The following PKD2 variants were observed in gnomAD, a reference collection of about 807,000 sequenced individuals.
PKD2 encodes the protein polycystin-2.
PKD2 carries 48 observed loss-of-function variants against 105.9 expected under a neutral mutation model. The ratio of observed to expected loss-of-function variants is 0.45; its 90% CI spans 0.36 to 0.58. The LOEUF (loss-of-function observed/expected upper bound fraction) is 0.58. Among genes scored for constraint, PKD2 ranks in the 20% least tolerant of loss-of-function variants. The pLI is 0.00. For synonymous variants in PKD2, 464 were observed against 481.1 expected, an observed-to-expected ratio of 0.96 and a Z score of 0.46; for missense variants, 1,078 against 1,255.3, an observed-to-expected ratio of 0.86 and a Z score of 2.13.
chr4:88,034,729 T>C (rs1301162720), intron 2 of PKD2, among the ~76,000 whole-genome samples: 1 of 149,694 alleles, frequency 6.7e-6, no homozygotes, highest in African/African-American at 2.5e-5. Flanking sequence ...AGAGATTTAC[T>C]AAATAGTACT....
At chr4:88,057,954 T>A in intron 8 of PKD2, 29 bp from the exon 9 acceptor site, 1 of 1,543,954 alleles carries the variant, frequency 6.5e-7, no homozygotes, top group Non-Finnish European at 9.0e-7. Context: ...TTTGTTTTTG[T>A]ATTGTGGTGT....
chr4:88,046,573 G>T, intron 5 of PKD2, 69 bp from the exon 6 acceptor site: 1 of 920,196 alleles, frequency 1.1e-6, no homozygotes. Flanking sequence ...AGAACAGATG[G>T]ACATCCATTC....
chr4:88,044,784 C>T (rs970297120), intron 5 of PKD2, among the ~76,000 whole-genome samples: 1 of 152,064 alleles, frequency 6.6e-6, no homozygotes, highest in East Asian at 1.9e-4. Context: ...GAATTTTCCA[C>T]TTGTGCGTTC....
intron 2 of PKD2, among the ~76,000 whole-genome samples, chr4:88,024,148 A>G (rs1726864056): frequency 6.6e-6 from 1 of 152,170 alleles, no homozygotes; most frequent in Non-Finnish European, 1.5e-5. Context: ...AGGAATAAAG[A>G]ATATTTAGAA....
In PKD2 at chr4:88,008,243, C is replaced by A; in HGVS notation, c.510C>A (p.Gly170=). Residue 170 remains glycine, a synonymous_variant, in exon 1 of 15, where the codon GGC becomes GGA. Coordinates refer to ENST00000237596, the MANE Select transcript of PKD2 (RefSeq NM_000297.4). ...CGCCGTGCCCCAGCCCAGTCGGCGG[C>A]GGGGACCCGCTGCATCGCCACCTCC... The part of the protein sequence containing the change: ...QGPPCPSPVG[G]GDPLHRHLPL... 1 of 1,453,654 alleles carries A rather than the reference C, an allele frequency of 6.9e-7. No homozygotes were observed. Among genetic ancestry groups the A allele is most frequent in the Non-Finnish European group, 9.0e-7 (1 of 1,107,142 alleles). 90.0% of individuals were successfully genotyped at this position (1,453,654 alleles called of 1,614,324 possible). A position where few individuals can be genotyped will look rare whatever the true frequency, so the allele number is the denominator to read the frequency against.
Position 88,068,212 on chromosome 4 carries a change from T to C in PKD2, c.2522+151T>C, listed in dbSNP as rs563748074. 49 of 764,450 alleles carry C rather than the reference T, an allele frequency of 6.4e-5. No homozygotes were observed. In the African/African-American group the frequency reaches 7.2e-4, roughly 11 times the overall value. The allele number at this position is 764,450 out of a possible 1,614,324, so 47.4% of individuals were successfully genotyped here. A position where few individuals can be genotyped will look rare whatever the true frequency, so the allele number is the denominator to read the frequency against. ...CTGGCCAGACGCAGTGGCTCATGCC[T>C]GTAATCCCACCACTTTGGGAGGCCA... On this transcript the variant is annotated intron_variant, in intron 13 of 14. Transcript: ENST00000237596.
intron 2 of PKD2, 147 bp downstream of exon 2, chr4:88,019,718 T>C: frequency 1.5e-6 from 1 of 671,844 alleles, no homozygotes. Flanking sequence ...ATATTTTTAT[T>C]TGGGCATTTG....
chr4:88,051,056 A>G (rs1560616719), intron 6 of PKD2, among the ~76,000 whole-genome samples: 1 of 152,184 alleles, frequency 6.6e-6, no homozygotes, highest in Non-Finnish European at 1.5e-5. Context: ...CCAGGTTGTT[A>G]TGACTAACCC....
At chr4:88,024,342 A>G (rs1323732216) in intron 2 of PKD2, among the ~76,000 whole-genome samples, 1 of 151,324 alleles carries the variant, frequency 6.6e-6, no homozygotes, top group Non-Finnish European at 1.5e-5. Context: ...CTGTAATCCC[A>G]GCTACTTAGG....
chr4:88,071,820 T>C (rs1434178071), intron 13 of PKD2, among the ~76,000 whole-genome samples: 1 of 152,164 alleles, frequency 6.6e-6, no homozygotes, highest in South Asian at 2.1e-4. Context: ...CTCTTTGTTA[T>C]ACCTCCTGCC....
intron 1 of PKD2, among the ~76,000 whole-genome samples, chr4:88,015,517 A>G (rs545815966): frequency 3.9e-5 from 6 of 152,158 alleles, no homozygotes; most frequent in Admixed American, 1.3e-4. Flanking sequence ...GGTTCAAGCG[A>G]TTCTCCTGCC....
In PKD2 at chr4:88,007,804, C is replaced by T. The variant is rs1004860210; in HGVS notation, c.71C>T (p.Pro24Leu). Residue 24 changes from proline to leucine, a missense_variant, in exon 1 of 15, where the codon CCG becomes CTG. Transcript: ENST00000237596. ...AAGCGGCCGCCCGCGCCCCGCGCGC[C>T]GGACCCGGGCCGGCTGATGGCTGGC... Reference protein sequence around the residue: ...DAKRPPAPRAPDPGRLMAGCA... With the variant: ...DAKRPPAPRALDPGRLMAGCA... 8 of 1,161,788 alleles carry T rather than the reference C, an allele frequency of 6.9e-6. No individual in the cohort carries two copies. The highest frequency in any genetic ancestry group is 4.6e-5 in the Admixed American group (1 of 21,874). 72.0% of individuals were successfully genotyped at this position (1,161,788 alleles called of 1,614,324 possible). A position where few individuals can be genotyped will look rare whatever the true frequency, so the allele number is the denominator to read the frequency against.
chr4:88,036,537 A>C, intron 3 of PKD2, 184 bp downstream of exon 3: 1 of 448,026 alleles, frequency 2.2e-6, no homozygotes, highest in East Asian at 1.5e-4. Flanking sequence ...AACATTGAGA[A>C]CTTTGCCTGT....
intron 13 of PKD2, among the ~76,000 whole-genome samples, chr4:88,072,264 T>C (rs559580545): frequency 1.3e-5 from 2 of 152,200 alleles, no homozygotes; most frequent in East Asian, 1.9e-4. Context: ...ATTACAGATA[T>C]GCACCACCAC....
rs989113642 is a variant in PKD2, at chr4:88,009,099, T to A, written c.595+771T>A. Among the ~76,000 whole-genome samples, 8 of 152,304 alleles carry A rather than the reference T, an allele frequency of 5.3e-5. No individual in the cohort carries two copies. The East Asian group carries it at 1.5e-3, about 29-fold the overall frequency. On this transcript the variant is annotated intron_variant, in intron 1 of 14. Coordinates refer to ENST00000237596, the MANE Select transcript of PKD2 (RefSeq NM_000297.4). Reference sequence around the variant, plus strand: ...AAGTCACCAGATAGCAGCTGATAAATGTGTCTGAGCCCAGTGCGCCCAGCT... The same window carrying A: ...AAGTCACCAGATAGCAGCTGATAAAAGTGTCTGAGCCCAGTGCGCCCAGCT...
In PKD2 at chr4:88,076,339, AC is replaced by A. The variant is rs1302496527; in HGVS notation, c.*647del. ...GGACTAACTGTATCACTTAATTTTT[AC>A]CTTATTTTGGCTCTAATTTGAATAA... On this transcript the variant is annotated 3_prime_UTR_variant, in exon 15 of 15. Coordinates refer to ENST00000237596, the MANE Select transcript of PKD2 (RefSeq NM_000297.4). The A allele has an allele frequency of 9.2e-5, 14 of 152,418 alleles. No individual in the cohort carries two copies. Among genetic ancestry groups the A allele is most frequent in the African/African-American group, 3.4e-4 (14 of 41,430 alleles). The allele number at this position is 152,418 out of a possible 1,614,324, so 9.4% of individuals were successfully genotyped here. A position where few individuals can be genotyped will look rare whatever the true frequency, so the allele number is the denominator to read the frequency against.
intron 2 of PKD2, among the ~76,000 whole-genome samples, chr4:88,031,091 A>G (rs1380819464): frequency 6.6e-6 from 1 of 152,216 alleles, no homozygotes; most frequent in African/African-American, 2.4e-5. Flanking sequence ...CCAGGCTACC[A>G]TACTCTAAAG....
At chr4:88,035,785 T>C (rs1727309675) in intron 2 of PKD2, among the ~76,000 whole-genome samples, 1 of 152,166 alleles carries the variant, frequency 6.6e-6, no homozygotes, top group Non-Finnish European at 1.5e-5. Context: ...GCCCATGTTA[T>C]TGCAGGGAGA....
At chr4:88,047,530 C>T (rs1278546939) in intron 6 of PKD2, among the ~76,000 whole-genome samples, 1 of 152,118 alleles carries the variant, frequency 6.6e-6, no homozygotes, top group Non-Finnish European at 1.5e-5. Context: ...CACTGCACTG[C>T]AGCCTGGGTG....
Sources: allele counts gnomAD v4.1 joint callset (sites outside exome capture counted in the v4.1 genomes callset), GRCh38; gene constraint gnomAD v4.1.1; transcripts MANE v1.5; gene names NCBI Gene and HGNC (gene_info 2026-07-23, HGNC 2026-07-21).